The following GRM7 variants were observed in gnomAD, a reference collection of about 807,000 sequenced individuals.
GRM7 encodes metabotropic glutamate receptor 7.
Under a neutral mutation model 84.5 loss-of-function variants are expected in GRM7, and 35 were observed. That is an observed-to-expected ratio of 0.41 (90% CI 0.32 to 0.55). The LOEUF (loss-of-function observed/expected upper bound fraction) is 0.55, where lower values mean the gene tolerates loss of function less well. Ranked by LOEUF, GRM7 falls within the 20% of genes least tolerant of loss-of-function variation. The pLI, the probability that GRM7 is intolerant of heterozygous loss-of-function variation, is 0.19. For synonymous variants in GRM7, 487 were observed against 455.1 expected (o/e 1.07, Z -0.89); for missense variants, 1,003 against 1,194.6 (o/e 0.84, Z 2.36).
intron 2 of GRM7, among the ~76,000 whole-genome samples, chr3:7,156,671 A>G (rs2125074913): frequency 6.6e-6 from 1 of 152,298 alleles, no homozygotes; most frequent in South Asian, 2.1e-4. Context: ...TCCTAAGTGT[A>G]AACTGCATGG....
intron 2 of GRM7, among the ~76,000 whole-genome samples, chr3:7,237,722 C>G (rs1340744494): frequency 1.3e-5 from 2 of 152,150 alleles, no homozygotes; most frequent in Non-Finnish European, 2.9e-5. Context: ...AAAGCTTCCA[C>G]AGCGTGGAAG....
chr3:7,578,517 A>G lies in GRM7; in HGVS notation c.1611A>G (p.Lys537=), dbSNP rs944122994. 1 of 1,614,032 alleles carries G rather than the reference A, an allele frequency of 6.2e-7. No individual in the cohort carries two copies. The highest frequency in any genetic ancestry group is 1.1e-5 in the South Asian group (1 of 91,084). Residue 537 remains lysine (K), a synonymous_variant, in exon 8 of 10, where the codon AAA becomes AAG. Transcript: ENST00000357716. ...CAGGACAGAGAAAGAAGACACAGAA[A>G]GGAACTCCTTGCTGTTGGACCTGTG... ...CKPGQRKKTQ[K]GTPCCWTCEP...
chr3:7,171,604 C>T (rs1440932592), intron 2 of GRM7, among the ~76,000 whole-genome samples: 1 of 152,136 alleles, frequency 6.6e-6, no homozygotes, highest in Non-Finnish European at 1.5e-5. Context: ...CTACCTCCTC[C>T]ATTAAATCAC....
At chr3:7,566,567 T>A (rs1694281002) in intron 7 of GRM7, among the ~76,000 whole-genome samples, 2 of 152,102 alleles carry the variant, frequency 1.3e-5, no homozygotes, top group South Asian at 4.1e-4. Context: ...AAATAGGAGG[T>A]CATTTGCAGT....
intron 1 of GRM7, among the ~76,000 whole-genome samples, chr3:6,966,267 T>C (rs1575076502): frequency 6.6e-6 from 1 of 152,026 alleles, no homozygotes; most frequent in African/African-American, 2.4e-5. Flanking sequence ...AGGCAGGAGG[T>C]GAAAGAGTTG....
At chr3:7,539,963 G>A (rs1490886918) in intron 7 of GRM7, among the ~76,000 whole-genome samples, 1 of 152,074 alleles carries the variant, frequency 6.6e-6, no homozygotes, top group East Asian at 1.9e-4. Context: ...CAGTAATTTA[G>A]AAAGTACTTT....
At chr3:7,052,720 G>A (rs1048825198) in intron 1 of GRM7, among the ~76,000 whole-genome samples, 7 of 101,564 alleles carry the variant, frequency 6.9e-5, no homozygotes, top group Admixed American at 6.6e-4. Flanking sequence ...AGTATCGGTA[G>A]TTTTTTTTTT....
At chr3:7,430,301 G>A (rs1157820018) in intron 5 of GRM7, among the ~76,000 whole-genome samples, 1 of 152,188 alleles carries the variant, frequency 6.6e-6, no homozygotes, top group Non-Finnish European at 1.5e-5. Flanking sequence ...GAGGTCACCT[G>A]GGATGTTCAG....
intron 9 of GRM7, among the ~76,000 whole-genome samples, chr3:7,690,131 G>A (rs1661301896): frequency 6.6e-6 from 1 of 152,152 alleles, no homozygotes; most frequent in Admixed American, 6.5e-5. Context: ...ACATGTTCTG[G>A]TACTAGAAAG....
chr3:7,433,731 A>C (rs1696927164), intron 5 of GRM7, among the ~76,000 whole-genome samples: 1 of 152,206 alleles, frequency 6.6e-6, no homozygotes, highest in South Asian at 2.1e-4. Flanking sequence ...CATTGACACA[A>C]CTAAAATATA....
chr3:6,877,809 TCACACACACACACACACACACACACA>T (rs3220585), intron 1 of GRM7, among the ~76,000 whole-genome samples: 4 of 145,540 alleles, frequency 2.7e-5, no homozygotes, highest in Non-Finnish European at 6.0e-5. Flanking sequence ...TACACAGATA[TCACACACACACACACACACACACACA>T]CACACACACA....
intron 1 of GRM7, among the ~76,000 whole-genome samples, chr3:7,115,354 T>C (rs1261954759): frequency 6.6e-6 from 1 of 152,128 alleles, no homozygotes; most frequent in Non-Finnish European, 1.5e-5. Context: ...CCCAGGAAGA[T>C]GCAAAATAAC....
intron 2 of GRM7, among the ~76,000 whole-genome samples, chr3:7,257,287 T>C (rs1264552867): frequency 6.6e-6 from 1 of 152,206 alleles, no homozygotes; most frequent in Non-Finnish European, 1.5e-5. Context: ...ATGTTGTCCA[T>C]TATATCCTCC....
chr3:7,176,609 T>G (rs757067188), intron 2 of GRM7, among the ~76,000 whole-genome samples: 1 of 152,230 alleles, frequency 6.6e-6, no homozygotes, highest in Non-Finnish European at 1.5e-5. Flanking sequence ...TAATATTGCC[T>G]AGAAAGGTAA....
intron 2 of GRM7, among the ~76,000 whole-genome samples, chr3:7,255,075 T>C (rs1698145813): frequency 6.6e-6 from 1 of 152,202 alleles, no homozygotes; most frequent in South Asian, 2.1e-4. Context: ...TATTTCATGG[T>C]AAGAAAGTAC....
At chr3:7,411,319 T>A (rs944820243) in intron 4 of GRM7, among the ~76,000 whole-genome samples, 1 of 152,198 alleles carries the variant, frequency 6.6e-6, no homozygotes, top group African/African-American at 2.4e-5. Flanking sequence ...CCATAGGTTA[T>A]ATTATAGAAA....
intron 6 of GRM7, among the ~76,000 whole-genome samples, chr3:7,456,450 C>CTTT (rs36031229): frequency 2.7e-5 from 4 of 146,546 alleles, no homozygotes; most frequent in Non-Finnish European, 6.0e-5. Context: ...TTTTTTTTTC[C>CTTT]TTTTTTTTTT....
At chr3:6,873,507 C>T (rs1016376596) in intron 1 of GRM7, among the ~76,000 whole-genome samples, 3 of 152,188 alleles carry the variant, frequency 2.0e-5, no homozygotes, top group Admixed American at 1.3e-4. Context: ...ATCAGGGTCT[C>T]ACTATCCCCA....
rs200971436 is a variant in GRM7 at position 7,345,274 on chromosome 3, C to CT, written c.1033+38636dup. 3.1e-3 allele frequency among the ~76,000 whole-genome samples: 435 copies of CT among 141,802 alleles called. 1 individual carries two copies. The highest frequency in any genetic ancestry group is 3.5e-3 in the Non-Finnish European group (228 of 64,486). The allele number at this position is 141,802 out of a possible 152,430, so 93.0% of individuals were successfully genotyped here. A position where few individuals can be genotyped will look rare whatever the true frequency, so the allele number is the denominator to read the frequency against. On this transcript the variant is annotated intron_variant, in intron 4 of 9. Coordinates refer to ENST00000357716, the MANE Select transcript of GRM7 (RefSeq NM_000844.4). ...CTGTCTCATATCTTAACAATTATTC[C>CT]TTTTTTTTTTTTTTCTTTGAGACAG...
Sources: allele counts gnomAD v4.1 joint callset (sites outside exome capture counted in the v4.1 genomes callset), GRCh38; gene constraint gnomAD v4.1.1; transcripts MANE v1.5; gene names NCBI Gene and HGNC (gene_info 2026-07-23, HGNC 2026-07-21).